SAMD11: variants seen among roughly 807,000 people sequenced by gnomAD.
SAMD11 encodes sterile alpha motif domain containing 11, also known as sterile alpha motif domain-containing protein 11.
In SAMD11, 77 loss-of-function variants were observed where a neutral mutation model predicts 64.4. The observed-to-expected ratio is 1.20, with a 90% CI of 0.99 to 1.44. SAMD11 has a LOEUF of 1.44. Among genes scored for constraint, SAMD11 ranks in the 40% most tolerant of loss-of-function variants. The pLI, the probability that SAMD11 is intolerant of heterozygous loss-of-function variation, is 0.00. For missense variants in SAMD11, 1,402 were observed against 943.3 expected (o/e 1.49, Z -6.37); for synonymous variants, 658 against 421.9 (o/e 1.56, Z -6.86).
chr1:924,599 C>A lies in SAMD11; in HGVS notation c.168C>A (p.Ala56=). The A allele has an allele frequency of 6.6e-6, 1 of 151,604 alleles. No homozygotes were observed. The highest frequency in any genetic ancestry group is 1.9e-4 in the South Asian group (1 of 5,264). 9.4% of individuals were successfully genotyped at this position (151,604 alleles called of 1,614,324 possible). ...CGGCCGCCTCGCTGCCCGCCTCGGC[C>A]GCCGGTTACGAGGCTCTGCTGGCCC... ...LPPAASLPAS[A]AGYEALLAPP... Residue 56 remains alanine (A), a synonymous_variant, in exon 1 of 14, where the codon GCC becomes GCA. Coordinates refer to ENST00000616016, the MANE Select transcript of SAMD11 (RefSeq NM_001385641.1).
intron 10 of SAMD11, 32 bp downstream of exon 10, chr1:942,520 G>C: frequency 7.0e-7 from 1 of 1,432,480 alleles, no homozygotes; most frequent in Non-Finnish European, 9.1e-7. Flanking sequence ...GGGCCGCGCG[G>C]CCCGGGAGGC....
In SAMD11 at chr1:942,859, C is replaced by G. The variant is rs1189321645; in HGVS notation, c.1854C>G (p.Leu618=). Residue 618 remains leucine, a synonymous_variant, in exon 11 of 14, where the codon CTC becomes CTG. Transcript: ENST00000616016. The stretch of plus-strand genomic sequence containing the variant: ...CCAAGGAGATGACGGGGGCTAGGCT[C>G]TGGGCACAAGATGGCTCGGAAGACG... ...SESKEMTGAR[L]WAQDGSEDEP... The G allele has an allele frequency of 5.2e-6, 8 of 1,553,226 alleles. No individual in the cohort carries two copies. Among genetic ancestry groups the G allele is most frequent in the East Asian group, 2.4e-5 (1 of 41,434 alleles).
chr1:930,216 A>G lies in SAMD11; in HGVS notation c.671A>G (p.Lys224Arg), dbSNP rs1282665138. Reference protein sequence around the residue: ...VALPAARNLKKERTPSFSASD... With the variant: ...VALPAARNLKRERTPSFSASD... ...CTGCCTGCCGCCCGGAACCTGAAGA[A>G]GGAGCGAACTCCCAGCTTCTCTGCC... is the stretch of plus-strand genomic sequence containing the variant. The change falls in exon 3 of 14, where the codon AAG becomes AGG. Residue 224 changes from lysine to arginine, a missense_variant. By Grantham distance (26) the Lys-to-Arg change is conservative. Transcript: ENST00000616016. 6.3e-7 allele frequency: 1 copy of G among 1,584,148 alleles called. No individual in the cohort carries two copies. Among genetic ancestry groups the G allele is most frequent in the Non-Finnish European group, 8.6e-7 (1 of 1,165,462 alleles).
Position 943,808 on chromosome 1 carries a change from G to A in SAMD11, c.2289G>A (p.Gln763=). 1 of 1,612,914 alleles carries A rather than the reference G, an allele frequency of 6.2e-7. No homozygotes were observed. The highest frequency in any genetic ancestry group is 8.5e-7 in the Non-Finnish European group (1 of 1,179,982). ...KLGPALKIRA[Q]VARRLGRVFY... ...GGCCCGCCCTCAAGATCCGGGCCCA[G>A]GTGAGACGCTGGGGAGTGAGGTCAG... Residue 763 remains glutamine (Q), a splice_region_variant and synonymous_variant, in exon 13 of 14, where the codon CAG becomes CAA. Transcript: ENST00000616016.
Position 944,227 on chromosome 1 carries a change from C to CCGCTTTATTTCTTTCGGTTT in SAMD11, c.*77_*96dup. The CCGCTTTATTTCTTTCGGTTT allele has an allele frequency of 2.7e-6, 4 of 1,466,928 alleles. No individual in the cohort carries two copies. Among genetic ancestry groups the CCGCTTTATTTCTTTCGGTTT allele is most frequent in the Non-Finnish European group, 3.6e-6 (4 of 1,110,294 alleles). 90.9% of individuals were successfully genotyped at this position (1,466,928 alleles called of 1,614,324 possible). ...CTCAACACAATGGCCCTGCCTCCCA[C>CCGCTTTATTTCTTTCGGTTT]CGCTTTATTTCTTTCGGTTTCGGAT... On this transcript the variant is annotated 3_prime_UTR_variant, in exon 14 of 14. Transcript: ENST00000616016.
rs940563438 is a variant in SAMD11, at chr1:942,767, C to T, written c.1762C>T (p.Arg588Trp). Residue 588 changes from arginine to tryptophan, a missense_variant, in exon 11 of 14, where the codon CGG becomes TGG. Coordinates refer to ENST00000616016, the MANE Select transcript of SAMD11 (RefSeq NM_001385641.1). Reference protein sequence around the residue: ...PPGSGPPTPSRDSARRAPRKG... With the variant: ...PPGSGPPTPSWDSARRAPRKG... ...GGGCTCCGGACCCCCCACCCCGTCC[C>T]GGGACTCTGCCCGGCGAGCCCCCCG... The T allele has an allele frequency of 5.2e-6, 8 of 1,532,408 alleles. No individual in the cohort carries two copies. In the South Asian group the frequency reaches 9.6e-5, roughly 18 times the overall value. 94.9% of individuals were successfully genotyped at this position (1,532,408 alleles called of 1,614,324 possible).
chr1:941,061 C>T (rs374038215), intron 7 of SAMD11, 83 bp from the exon 8 acceptor site: 24 of 1,314,910 alleles, frequency 1.8e-5, no homozygotes, highest in African/African-American at 1.3e-4. Flanking sequence ...CAGTTCCCCA[C>T]CTCAGTGTTC....
rs1360904860 is a variant in SAMD11 at position 944,328 on chromosome 1, G to A, written c.*175G>A. 1.2e-5 allele frequency: 16 copies of A among 1,385,004 alleles called. 1 individual carries two copies. The highest frequency in any genetic ancestry group is 3.7e-5 in the South Asian group (2 of 54,310). The allele number at this position is 1,385,004 out of a possible 1,614,324, so 85.8% of individuals were successfully genotyped here. ...ATTTTCAAAGACTTGGGGGAGTGAAGGCAGAGCCTGGTGCAGATGGACGAG... is the reference window on the plus strand; with the variant it reads ...ATTTTCAAAGACTTGGGGGAGTGAAAGCAGAGCCTGGTGCAGATGGACGAG... On this transcript the variant is annotated 3_prime_UTR_variant, in exon 14 of 14. Transcript: ENST00000616016.
intron 10 of SAMD11, 28 bp from the exon 11 acceptor site, chr1:942,531 G>C (rs1477107574): frequency 7.1e-6 from 10 of 1,417,706 alleles, no homozygotes; most frequent in Non-Finnish European, 9.1e-6. Flanking sequence ...CCCGGGAGGC[G>C]GCTGACCCGC....
Position 935,898 on chromosome 1 carries a change from TGAG to T in SAMD11, c.967+6_967+8del, listed in dbSNP as rs1303527507. On this transcript the variant is annotated splice_donor_5th_base_variant and intron_variant, in intron 5 of 13. Transcript: ENST00000616016. ...TGGAGATTGGCCTGCGACCCGCCGG[TGAG>T]GAGCACAGGGGGCCTGAGGGCGGGG... 2 of 1,612,208 alleles carry T rather than the reference TGAG, an allele frequency of 1.2e-6. No individual in the cohort carries two copies. The highest frequency in any genetic ancestry group is 2.2e-5 in the East Asian group (1 of 44,878).
At chr1:925,701 G>C (rs1266058530) in intron 1 of SAMD11, 2 of 488,612 alleles carry the variant, frequency 4.1e-6, no homozygotes, top group Non-Finnish European at 7.4e-6. Context: ...GCCCTTCGTC[G>C]GGGGAGGGCG....
At chr1:927,445 C>G (rs1640947273) in intron 2 of SAMD11, among the ~76,000 whole-genome samples, 1 of 152,150 alleles carries the variant, frequency 6.6e-6, no homozygotes, top group South Asian at 2.1e-4. Context: ...AGGAGATGCC[C>G]CCCCACCTGG....
chr1:936,072 G>A (rs548003874), intron 5 of SAMD11, among the ~76,000 whole-genome samples, 176 bp downstream of exon 5: 6 of 152,354 alleles, frequency 3.9e-5, no homozygotes, highest in Admixed American at 2.6e-4. Context: ...GGGGCAGACA[G>A]GAGGCAGAGG....
Position 944,267 on chromosome 1 carries a change from T to A in SAMD11, c.*114T>A. ...CGGTTTCGGATGCAAAACAAAAAAT[T>A]TTAAAAGAAAATGTGACTTCAAAGG... is the stretch of plus-strand genomic sequence containing the variant. On this transcript the variant is annotated 3_prime_UTR_variant, in exon 14 of 14. Transcript: ENST00000616016. 2.1e-6 allele frequency: 3 copies of A among 1,450,118 alleles called. No individual in the cohort carries two copies. Among genetic ancestry groups the A allele is most frequent in the Non-Finnish European group, 2.7e-6 (3 of 1,103,350 alleles). 89.8% of individuals were successfully genotyped at this position (1,450,118 alleles called of 1,614,324 possible).
chr1:928,881 G>T (rs1421656130), intron 2 of SAMD11, among the ~76,000 whole-genome samples: 1 of 152,208 alleles, frequency 6.6e-6, no homozygotes, highest in East Asian at 1.9e-4. Flanking sequence ...GAAGGTGATG[G>T]TGGTTCTAGG....
chr1:936,917 A>G (rs1313996242), intron 5 of SAMD11, among the ~76,000 whole-genome samples: 2 of 152,170 alleles, frequency 1.3e-5, no homozygotes, highest in African/African-American at 4.8e-5. Context: ...GTGCCTTCAC[A>G]CAGGGAGACC....
chr1:927,292 G>A (rs980466314), intron 2 of SAMD11, among the ~76,000 whole-genome samples: 4 of 152,200 alleles, frequency 2.6e-5, no homozygotes, highest in African/African-American at 9.7e-5. Context: ...GCAGCCCGCT[G>A]CCTAGCCTTG....
chr1:930,221 C>G lies in SAMD11; in HGVS notation c.676C>G (p.Arg226Gly), dbSNP rs934852613. 4.4e-6 allele frequency: 7 copies of G among 1,586,978 alleles called. No homozygotes were observed. The highest frequency in any genetic ancestry group is 1.7e-4 in the Middle Eastern group (1 of 6,020). ...TGCCGCCCGGAACCTGAAGAAGGAGCGAACTCCCAGCTTCTCTGCCAGCGA... is the reference window on the plus strand; with the variant it reads ...TGCCGCCCGGAACCTGAAGAAGGAGGGAACTCCCAGCTTCTCTGCCAGCGA... ...LPAARNLKKERTPSFSASDGD... is the reference protein window; with the variant it reads ...LPAARNLKKEGTPSFSASDGD... The change falls in exon 3 of 14, where the codon CGA (arginine) becomes GGA (glycine). Residue 226 changes from arginine (R) to glycine (G), a missense_variant. Physicochemically the swap from Arg to Gly is moderately radical, Grantham distance 125. Transcript: ENST00000616016.
chr1:943,900 C>A lies in SAMD11; in HGVS notation c.2290-8C>A, dbSNP rs771479164. On this transcript the variant is annotated splice_polypyrimidine_tract_variant and splice_region_variant and intron_variant, in intron 13 of 13. Coordinates refer to ENST00000616016, the MANE Select transcript of SAMD11 (RefSeq NM_001385641.1). ...TGCGACAGCCCCCACCAGGCCATCT[C>A]TCTGCAGGTGGCCAGGCGCCTGGGC... is the stretch of plus-strand genomic sequence containing the variant. 6.2e-7 allele frequency: 1 copy of A among 1,612,826 alleles called. No homozygotes were observed. The highest frequency in any genetic ancestry group is 8.5e-7 in the Non-Finnish European group (1 of 1,179,956).
Sources: allele counts gnomAD v4.1 joint callset (sites outside exome capture counted in the v4.1 genomes callset), GRCh38; gene constraint gnomAD v4.1.1; transcripts MANE v1.5; gene names NCBI Gene and HGNC (gene_info 2026-07-23, HGNC 2026-07-21).